SEPTIN9: variants seen among roughly 807,000 people sequenced by gnomAD.
The protein encoded by SEPTIN9 is septin 9.
Under a neutral mutation model 56.6 loss-of-function variants are expected in SEPTIN9, and 13 were observed. The observed-to-expected ratio is 0.23, with a 90% confidence interval of 0.15 to 0.37. The LOEUF is 0.37. SEPTIN9 is among the 10% of genes least tolerant of loss of function. The pLI is 1.00. For synonymous variants in SEPTIN9, 332 were observed against 334.1 expected, an observed-to-expected ratio of 0.99 and a Z score of 0.07; for missense variants, 650 against 823.1, an observed-to-expected ratio of 0.79 and a Z score of 2.57.
chr17:77,432,417 T>C (rs78509270), intron 3 of SEPTIN9, among the ~76,000 whole-genome samples: 3,216 of 152,342 alleles, frequency 0.021, 110 homozygotes, highest in African/African-American at 0.07. Context: ...ATTCACTTGT[T>C]CATTTATTCA....
intron 2 of SEPTIN9, among the ~76,000 whole-genome samples, chr17:77,355,277 G>A (rs903665668): frequency 2.0e-5 from 3 of 152,190 alleles, no homozygotes; most frequent in East Asian, 1.9e-4. Context: ...TGGTGTCTGC[G>A]CCGCAGCAGG....
In SEPTIN9 at chr17:77,414,728, C is replaced by A. The variant is rs111689784; in HGVS notation, c.721+12025C>A. ...GAGTAGCTGAGACTACAGGCCTGTG[C>A]CACCATGCCCGGCTAATTTTTGTAT... On this transcript the variant is annotated intron_variant, in intron 3 of 11. Transcript: ENST00000427177. Among the ~76,000 whole-genome samples the A allele has an allele frequency of 2.9e-4, 44 of 152,164 alleles. 2 individuals carry two copies. The highest frequency in any genetic ancestry group is 1.0e-3 in the African/African-American group (43 of 41,512).
At chr17:77,414,471 T>C (rs1014024515) in intron 3 of SEPTIN9, among the ~76,000 whole-genome samples, 2 of 152,090 alleles carry the variant, frequency 1.3e-5, no homozygotes, top group African/African-American at 4.8e-5. Context: ...AATTGAAAAT[T>C]TGAGAAATTT....
chr17:77,393,774 T>C (rs1174813804), intron 2 of SEPTIN9, among the ~76,000 whole-genome samples: 1 of 152,034 alleles, frequency 6.6e-6, no homozygotes, highest in Non-Finnish European at 1.5e-5. Context: ...TTAGTAGAGA[T>C]GGGGTTTCTC....
chr17:77,379,608 G>A (rs1274467704), intron 2 of SEPTIN9, among the ~76,000 whole-genome samples: 1 of 152,150 alleles, frequency 6.6e-6, no homozygotes, highest in Admixed American at 6.5e-5. Context: ...CCAGGCATCA[G>A]GGGAGGTCAC....
At chr17:77,442,755 C>T (rs1486983348) in intron 3 of SEPTIN9, among the ~76,000 whole-genome samples, 1 of 151,974 alleles carries the variant, frequency 6.6e-6, no homozygotes. Flanking sequence ...CACCTGTAAT[C>T]CCAGCTACTT....
intron 2 of SEPTIN9, among the ~76,000 whole-genome samples, chr17:77,391,686 A>G (rs432334): frequency 0.32 from 48,293 of 152,024 alleles, 9,407 homozygotes; most frequent in East Asian, 0.63. Context: ...GTTGGTGCCA[A>G]TGTCCCCTGC....
chr17:77,415,614 T>G (rs1598339443), intron 3 of SEPTIN9, among the ~76,000 whole-genome samples: 4 of 128,844 alleles, frequency 3.1e-5, no homozygotes, highest in Non-Finnish European at 3.2e-5. Flanking sequence ...GGTGACAGAG[T>G]GAGACTATGT....
At chr17:77,406,893 A>G (rs1158437678) in intron 3 of SEPTIN9, among the ~76,000 whole-genome samples, 2 of 151,368 alleles carry the variant, frequency 1.3e-5, no homozygotes, top group African/African-American at 4.9e-5. Context: ...CTGGTCTCGA[A>G]CTCCTGACCT....
At chr17:77,412,427 T>G (rs923879992) in intron 3 of SEPTIN9, among the ~76,000 whole-genome samples, 2 of 152,160 alleles carry the variant, frequency 1.3e-5, no homozygotes, top group African/African-American at 4.8e-5. Context: ...CTTTTCTTGT[T>G]GAAATTTTTT....
At chr17:77,283,856 T>C (rs2031150542) in intron 1 of SEPTIN9, among the ~76,000 whole-genome samples, 1 of 152,108 alleles carries the variant, frequency 6.6e-6, no homozygotes, top group Admixed American at 6.6e-5. Flanking sequence ...GGTACAGAAA[T>C]GGTAATGAGA....
At position 77,453,434 on chromosome 17, in the gene SEPTIN9, T is replaced by G. The variant is rs2038060964; in HGVS notation, c.722-28710T>G. On this transcript the variant is annotated intron_variant, in intron 3 of 11. Transcript: ENST00000427177. The surrounding 1 kb of genome is among the most constrained non-coding windows in gnomAD (Gnocchi z 4.4). ...CAGCCTGGCCAACATGGTGAAACCCTGTCTCTACTAAAAATACTGGCTAAT... is the reference window on the plus strand; with the variant it reads ...CAGCCTGGCCAACATGGTGAAACCCGGTCTCTACTAAAAATACTGGCTAAT... Among the ~76,000 whole-genome samples the G allele has an allele frequency of 6.6e-6, 1 of 152,012 alleles. No individual in the cohort carries two copies. The highest frequency in any genetic ancestry group is 1.5e-5 in the Non-Finnish European group (1 of 67,990).
In SEPTIN9 at chr17:77,488,218, C is replaced by G. The variant is rs569050332; in HGVS notation, c.1043-22C>G. The G allele has an allele frequency of 5.0e-6, 8 of 1,612,318 alleles. No individual in the cohort carries two copies. In the Admixed American group the frequency reaches 8.3e-5, roughly 17 times the overall value. Reference sequence around the variant, plus strand: ...AGGGTCTTCCGTCTCCCCTCTGACTCTGCGTCCGTGGCTCTGTGCAGATAT... The same window carrying G: ...AGGGTCTTCCGTCTCCCCTCTGACTGTGCGTCCGTGGCTCTGTGCAGATAT... On this transcript the variant is annotated intron_variant, in intron 5 of 11. Coordinates refer to ENST00000427177, the MANE Select transcript of SEPTIN9 (RefSeq NM_001113491.2).
At position 77,434,219 on chromosome 17, in the gene SEPTIN9, G is replaced by A. The variant is rs1308569671; in HGVS notation, c.721+31516G>A. Among the ~76,000 whole-genome samples, 5 of 152,276 alleles carry A rather than the reference G, an allele frequency of 3.3e-5. No individual in the cohort carries two copies. The highest frequency in any genetic ancestry group is 3.9e-4 in the East Asian group (2 of 5,180). The stretch of plus-strand genomic sequence containing the variant: ...GTCTGCGGAAAGTGCCCTAGGATAC[G>A]GTGGCAGGACTGGCTGGGGTTCTGG... On this transcript the variant is annotated intron_variant, in intron 3 of 11. Coordinates refer to ENST00000427177, the MANE Select transcript of SEPTIN9 (RefSeq NM_001113491.2). This position sits in a 1 kb window ranked among gnomAD's most constrained non-coding sequence, Gnocchi z 5.0.
chr17:77,320,265 A>G (rs1331324243), intron 2 of SEPTIN9: 2 of 1,611,424 alleles, frequency 1.2e-6, no homozygotes, highest in Non-Finnish European at 1.7e-6. Context: ...GGGGTGAGAA[A>G]GGGGAGGCCG....
intron 1 of SEPTIN9, among the ~76,000 whole-genome samples, chr17:77,286,992 G>A (rs1181026223): frequency 6.6e-6 from 1 of 152,218 alleles, no homozygotes; most frequent in East Asian, 1.9e-4. Flanking sequence ...AGGGATTTAT[G>A]GGGATCAGTG....
chr17:77,328,174 C>G (rs2033219177), intron 2 of SEPTIN9, among the ~76,000 whole-genome samples: 1 of 152,146 alleles, frequency 6.6e-6, no homozygotes, highest in African/African-American at 2.4e-5. Context: ...CAGTGTGTCC[C>G]TGTATCCAGG....
At chr17:77,444,332 G>A (rs1884331008) in intron 3 of SEPTIN9, among the ~76,000 whole-genome samples, 1 of 152,210 alleles carries the variant, frequency 6.6e-6, no homozygotes, top group African/African-American at 2.4e-5. Flanking sequence ...TGGGAGGTGG[G>A]TGTTGGTAAG....
chr17:77,390,346 T>TAAA (rs200348069), intron 2 of SEPTIN9, among the ~76,000 whole-genome samples: 11 of 90,346 alleles, frequency 1.2e-4, no homozygotes, highest in South Asian at 8.0e-4. Flanking sequence ...GACTCCGTCT[T>TAAA]AAAAAAAAAA....
Sources: gnomAD v4.1 joint callset for allele counts (sites outside exome capture counted in the v4.1 genomes callset) on GRCh38, gnomAD v4.1.1 for gene constraint, Gnocchi (gnomAD v3.1) non-coding constraint, MANE v1.5 for transcripts, NCBI Gene and HGNC (gene_info 2026-07-23, HGNC 2026-07-21) for gene names.